Variants in RASGEF1B observed in about 807,000 individuals in gnomAD.
The protein encoded by RASGEF1B is RasGEF domain family member 1B.
In RASGEF1B, 30 loss-of-function variants were observed where a neutral mutation model predicts 65.7. That is an observed-to-expected ratio of 0.46 (90% CI 0.34 to 0.62). The LOEUF is 0.62. Among genes scored for constraint, RASGEF1B ranks in the 20% least tolerant of loss-of-function variants. The pLI is 0.01. For missense variants in RASGEF1B, 495 were observed against 580.1 expected, an observed-to-expected ratio of 0.85 and a Z score of 1.51; for synonymous variants, 175 against 194.8, an observed-to-expected ratio of 0.90 and a Z score of 0.85.
At chr4:81,430,233 G>A (rs555992263) in intron 13 of RASGEF1B, among the ~76,000 whole-genome samples, 68 of 152,264 alleles carry the variant, frequency 4.5e-4, no homozygotes, top group African/African-American at 1.5e-3. Context: ...CCCGGGAGGC[G>A]GAGCCTGCAG....
In RASGEF1B at chr4:81,435,091, C is replaced by A. The variant is rs1454402966; in HGVS notation, c.1105-357G>T. Among the ~76,000 whole-genome samples the A allele has an allele frequency of 2.6e-5, 4 of 152,260 alleles. No homozygotes were observed. The East Asian group carries it at 7.8e-4, about 30-fold the overall frequency. ...AAAAGAACTCTTGCCTTTCACTTAGCAACCCCTTAGCAAAATGTTAATAGA... is the reference window on the plus strand; with the variant it reads ...AAAAGAACTCTTGCCTTTCACTTAGAAACCCCTTAGCAAAATGTTAATAGA... On this transcript the variant is annotated intron_variant, in intron 10 of 13. Transcript: ENST00000264400.
intron 1 of RASGEF1B, among the ~76,000 whole-genome samples, chr4:81,466,770 A>AAAAAAAGAAAGAAAGAAAGAAAGAAAG (rs748492254): frequency 2.5e-4 from 9 of 36,092 alleles, no homozygotes; most frequent in Non-Finnish European, 3.7e-4. Flanking sequence ...AAAAAAAAAA[A>AAAAAAAGAAAGAAAGAAAGAAAGAAAG]AAAGAAAGAA....
Position 81,452,551 on chromosome 4 carries a change from G to A in RASGEF1B, c.438+4100C>T, listed in dbSNP as rs949376464. The stretch of plus-strand genomic sequence containing the variant: ...GGAAAGCTATTCAACAACAACTAGT[G>A]TGTGAGCATGTGAGAGAGTGTATGT... On this transcript the variant is annotated intron_variant, in intron 4 of 13. Transcript: ENST00000264400. 2.6e-5 allele frequency: 4 copies of A among 152,240 alleles called. No homozygotes were observed. In the South Asian group the frequency reaches 6.2e-4, roughly 24 times the overall value. 9.4% of individuals were successfully genotyped at this position (152,240 alleles called of 1,614,324 possible).
At chr4:81,460,169 A>G (rs1722592345) in intron 1 of RASGEF1B, among the ~76,000 whole-genome samples, 1 of 152,158 alleles carries the variant, frequency 6.6e-6, no homozygotes, top group African/African-American at 2.4e-5. Flanking sequence ...GTAAAGCCTC[A>G]GTTCTCAATA....
At chr4:81,440,771 A>G in intron 10 of RASGEF1B, 63 bp downstream of exon 10, 3 of 1,076,704 alleles carry the variant, frequency 2.8e-6, no homozygotes, top group Admixed American at 2.0e-5. Context: ...CGTAGTTCAC[A>G]TAGCATTTCA....
At chr4:81,448,328 G>C (rs1245130062) in intron 4 of RASGEF1B, 44 bp from the exon 5 acceptor site, 2 of 1,529,278 alleles carry the variant, frequency 1.3e-6, no homozygotes, top group Non-Finnish European at 1.8e-6. Context: ...TGCGTGTCTG[G>C]TTTTGCCACT....
chr4:81,444,610 C>T (rs887270739), intron 8 of RASGEF1B, among the ~76,000 whole-genome samples: 12 of 152,114 alleles, frequency 7.9e-5, no homozygotes, highest in Admixed American at 3.3e-4. Flanking sequence ...GATTTCAGCT[C>T]GCTGCAACCT....
intron 4 of RASGEF1B, 33 bp from the exon 5 acceptor site, chr4:81,448,317 C>A: frequency 6.3e-7 from 1 of 1,575,294 alleles, no homozygotes; most frequent in South Asian, 1.1e-5. Flanking sequence ...CATCCGTACT[C>A]TGCGTGTCTG....
intron 10 of RASGEF1B, among the ~76,000 whole-genome samples, chr4:81,440,439 G>A (rs1377796955): frequency 2.0e-5 from 3 of 152,146 alleles, no homozygotes; most frequent in Admixed American, 6.5e-5. Flanking sequence ...AACCATGGGA[G>A]GTAAGCTAAT....
chr4:81,435,327 C>T (rs1172041633), intron 10 of RASGEF1B, among the ~76,000 whole-genome samples: 5 of 144,114 alleles, frequency 3.5e-5, no homozygotes, highest in Non-Finnish European at 6.0e-5. Context: ...AGGAGAATGG[C>T]GTGAACCCGG....
intron 10 of RASGEF1B, among the ~76,000 whole-genome samples, chr4:81,439,065 A>G (rs1327115162): frequency 6.6e-6 from 1 of 152,138 alleles, no homozygotes; most frequent in Non-Finnish European, 1.5e-5. Flanking sequence ...ATGTGTCTTT[A>G]CAGCAGAATG....
rs750096293 is a variant in RASGEF1B, at chr4:81,456,720, A to G, written c.369T>C (p.Tyr123=). ...TCATCATTCTTTCATCCCGAAAATC[A>G]TAGGGAAATGTTTCCGTCCATTCCG... ...LLTEWTETFP[Y]DFRDERMMRN... is the part of the protein sequence containing the mutation. The change falls in exon 4 of 14, where the codon TAT becomes TAC. Residue 123 remains tyrosine (Y), a synonymous_variant. Transcript: ENST00000264400. 2 of 1,614,114 alleles carry G rather than the reference A, an allele frequency of 1.2e-6. No individual in the cohort carries two copies. The highest frequency in any genetic ancestry group is 1.7e-6 in the Non-Finnish European group (2 of 1,179,946).
At chr4:81,433,696 T>C in intron 12 of RASGEF1B, 144 bp downstream of exon 12, 1 of 753,158 alleles carries the variant, frequency 1.3e-6, no homozygotes, top group Non-Finnish European at 2.1e-6. Flanking sequence ...AAATCATACA[T>C]TTTCTGTGAA....
chr4:81,440,805 A>G, intron 10 of RASGEF1B, 29 bp downstream of exon 10: 3 of 1,442,130 alleles, frequency 2.1e-6, no homozygotes, highest in African/African-American at 1.4e-5. Context: ...CAACTCTACC[A>G]TAAGAAAGAT....
chr4:81,449,206 A>G (rs1341201679), intron 4 of RASGEF1B, among the ~76,000 whole-genome samples: 2 of 152,086 alleles, frequency 1.3e-5, no homozygotes, highest in Non-Finnish European at 2.9e-5. Flanking sequence ...GCTCATAATC[A>G]TTTCTTTTGC....
chr4:81,467,414 C>T (rs1489399639), intron 1 of RASGEF1B, among the ~76,000 whole-genome samples: 3 of 152,140 alleles, frequency 2.0e-5, no homozygotes, highest in Admixed American at 2.0e-4. Context: ...AATGACATTT[C>T]GGCACATAAC....
Position 81,426,981 on chromosome 4 carries a change from C to CAAAAAAAAAAA in RASGEF1B, c.*776_*786dup, listed in dbSNP as rs546907988. 5 of 34,260 alleles carry CAAAAAAAAAAA rather than the reference C, an allele frequency of 1.5e-4. No individual in the cohort carries two copies. Among genetic ancestry groups the CAAAAAAAAAAA allele is most frequent in the South Asian group, 1.7e-3 (1 of 578 alleles). 2.1% of individuals were successfully genotyped at this position (34,260 alleles called of 1,614,324 possible). ...GTCAGTTGTAAACAGCTCAGAAGAG[C>CAAAAAAAAAAA]AAAAAAAAAAAAAAAAAAAAAAAAA... On this transcript the variant is annotated 3_prime_UTR_variant, in exon 14 of 14. Coordinates refer to ENST00000264400, the MANE Select transcript of RASGEF1B (RefSeq NM_152545.3).
At chr4:81,428,916 A>G (rs1408918929) in intron 13 of RASGEF1B, among the ~76,000 whole-genome samples, 1 of 152,244 alleles carries the variant, frequency 6.6e-6, no homozygotes, top group Non-Finnish European at 1.5e-5. Context: ...TTTGTAAATT[A>G]TAATAGCCTG....
chr4:81,466,772 AAGAAAG>A (rs1215580063), intron 1 of RASGEF1B, among the ~76,000 whole-genome samples: 14 of 113,494 alleles, frequency 1.2e-4, no homozygotes, highest in African/African-American at 3.5e-4. Flanking sequence ...AAAAAAAAAA[AAGAAAG>A]AAAGAAAGAA....
Sources: allele counts gnomAD v4.1 joint callset (sites outside exome capture counted in the v4.1 genomes callset), GRCh38; gene constraint gnomAD v4.1.1; transcripts MANE v1.5; gene names NCBI Gene and HGNC (gene_info 2026-07-23, HGNC 2026-07-21).